The following SYN3 variants were observed in gnomAD, a reference collection of about 807,000 sequenced individuals.
SYN3 encodes synapsin-3.
Under a neutral mutation model 65.8 loss-of-function variants are expected in SYN3, and 35 were observed. That is an observed-to-expected ratio of 0.53 (90% CI 0.41 to 0.70). The LOEUF (loss-of-function observed/expected upper bound fraction) is 0.70. Ranked by LOEUF, SYN3 falls within the 30% of genes least tolerant of loss-of-function variation. The probability of loss-of-function intolerance (pLI) is 0.00; values close to 1 mark genes in which losing one functional copy is unlikely to be tolerated. For synonymous variants in SYN3, 270 were observed against 292.9 expected, an observed-to-expected ratio of 0.92 and a Z score of 0.80; for missense variants, 680 against 749.0, an observed-to-expected ratio of 0.91 and a Z score of 1.08.
Position 32,527,924 on chromosome 22 carries a change from G to A in SYN3, c.1312C>T (p.Pro438Ser), listed in dbSNP as rs762240021. The A allele has an allele frequency of 2.7e-5, 43 of 1,588,848 alleles. No individual in the cohort carries two copies. Among genetic ancestry groups the A allele is most frequent in the Middle Eastern group, 1.7e-4 (1 of 6,054 alleles). ...GGCTCGTCCTGGGTCATACCTTGCG[G>A]AGGTGGGCGTGGCTGGGGCTGGCCT... is the stretch of plus-strand genomic sequence containing the variant. Reference protein sequence around the residue: ...QLGQPQPRPPPQGGPRQAQSP... With the variant: ...QLGQPQPRPPSQGGPRQAQSP... The change falls in exon 12 of 14, where the codon CCG becomes TCG. Residue 438 changes from proline to serine, a missense_variant. Coordinates refer to ENST00000358763, the MANE Select transcript of SYN3 (RefSeq NM_003490.4).
intron 6 of SYN3, among the ~76,000 whole-genome samples, chr22:32,755,486 G>T (rs542382168): frequency 5.3e-5 from 8 of 152,318 alleles, no homozygotes; most frequent in African/African-American, 1.9e-4. Flanking sequence ...GAGAAGTTTT[G>T]CCTGGTTCCA....
Position 32,632,963 on chromosome 22 carries a change from T to C in SYN3, c.712-36227A>G, listed in dbSNP as rs1238985096. Among the ~76,000 whole-genome samples the C allele has an allele frequency of 3.9e-5, 6 of 152,358 alleles. No homozygotes were observed. The South Asian group carries it at 6.2e-4, about 16-fold the overall frequency. On this transcript the variant is annotated intron_variant, in intron 6 of 13. Transcript: ENST00000358763. ...TTTGGCCAGCACTTGAGAATTTATA[T>C]AGTGGTCAAGCGTGTTCATTCCGAA... is the stretch of plus-strand genomic sequence containing the variant.
intron 4 of SYN3, among the ~76,000 whole-genome samples, chr22:32,900,429 G>A (rs2049725720): frequency 6.6e-6 from 1 of 152,086 alleles, no homozygotes; most frequent in African/African-American, 2.4e-5. Flanking sequence ...TAAATGTTAT[G>A]GTCATTTGTT....
At chr22:32,823,446 C>T (rs1300813757) in intron 6 of SYN3, among the ~76,000 whole-genome samples, 1 of 152,130 alleles carries the variant, frequency 6.6e-6, no homozygotes, top group African/African-American at 2.4e-5. Flanking sequence ...AAGGGAGTCT[C>T]CTCTCAGAAA....
intron 6 of SYN3, among the ~76,000 whole-genome samples, chr22:32,647,866 C>T (rs988578721): frequency 6.6e-6 from 1 of 152,048 alleles, no homozygotes. Context: ...CTCGGCCTCC[C>T]AAAGTGCTGG....
intron 6 of SYN3, among the ~76,000 whole-genome samples, chr22:32,777,983 G>A (rs1313813300): frequency 6.6e-6 from 1 of 152,184 alleles, no homozygotes; most frequent in Non-Finnish European, 1.5e-5. Flanking sequence ...GAGGCTTCCA[G>A]TGAGAAACAC....
intron 4 of SYN3, among the ~76,000 whole-genome samples, chr22:32,916,394 G>C (rs928070290): frequency 3.3e-5 from 5 of 152,302 alleles, no homozygotes; most frequent in Admixed American, 3.3e-4. Flanking sequence ...TTATAAATGA[G>C]GATACAGATC....
chr22:33,035,340 C>G lies in SYN3; in HGVS notation c.-163+22952G>C, dbSNP rs561849670. Among the ~76,000 whole-genome samples, 31 of 107,498 alleles carry G rather than the reference C, an allele frequency of 2.9e-4. 1 individual carries two copies. Among genetic ancestry groups the G allele is most frequent in the African/African-American group, 7.2e-4 (21 of 28,970 alleles). The allele number at this position is 107,498 out of a possible 152,430, so 70.5% of individuals were successfully genotyped here. ...ATTAAAAATCTCGGGACCCCCCCCC[C>G]CCCCGCCACCAAACTTCTTATGCAA... On this transcript the variant is annotated intron_variant, in intron 1 of 13. Coordinates refer to ENST00000358763, the MANE Select transcript of SYN3 (RefSeq NM_003490.4).
intron 12 of SYN3, chr22:32,519,454 T>C (rs1297902194): frequency 1.3e-5 from 2 of 152,070 alleles, no homozygotes; most frequent in African/African-American, 4.8e-5. Flanking sequence ...CCTAGAGAGG[T>C]CAGTAGGGAA....
Position 33,006,663 on chromosome 22 carries a change from G to T in SYN3, c.-1C>A. The stretch of plus-strand genomic sequence containing the variant: ...AGAGACGTCGCCGGAGGAAATTCAT[G>T]GCTGTGGATGGATGGAGATGACTGG... On this transcript the variant is annotated 5_prime_UTR_variant, in exon 2 of 14. Transcript: ENST00000358763. The T allele has an allele frequency of 6.4e-7, 1 of 1,567,336 alleles. No individual in the cohort carries two copies. The highest frequency in any genetic ancestry group is 8.7e-7 in the Non-Finnish European group (1 of 1,155,972).
At chr22:32,803,386 G>A (rs977238801) in intron 6 of SYN3, among the ~76,000 whole-genome samples, 8 of 152,000 alleles carry the variant, frequency 5.3e-5, no homozygotes, top group African/African-American at 1.9e-4. Context: ...GAGGGGCACT[G>A]CTGGTGGGCT....
At chr22:32,554,919 G>A (rs906443930) in intron 7 of SYN3, among the ~76,000 whole-genome samples, 8 of 152,194 alleles carry the variant, frequency 5.3e-5, no homozygotes, top group Non-Finnish European at 1.0e-4. Flanking sequence ...ACGAAATGTG[G>A]ATAACTTGAA....
chr22:32,972,456 T>C (rs1458769552), intron 3 of SYN3, among the ~76,000 whole-genome samples: 1 of 152,196 alleles, frequency 6.6e-6, no homozygotes, highest in Non-Finnish European at 1.5e-5. Context: ...CCAGTCACTG[T>C]CTATTGCCAC....
At chr22:32,700,893 T>C (rs570926911) in intron 6 of SYN3, among the ~76,000 whole-genome samples, 39 of 152,378 alleles carry the variant, frequency 2.6e-4, no homozygotes, top group Non-Finnish European at 1.2e-4. Context: ...TCCACTGTTC[T>C]GTTAGAATAA....
At position 32,866,217 on chromosome 22, in the gene SYN3, C is replaced by A. The variant is rs779621501; in HGVS notation, c.622-1213G>T. Among the ~76,000 whole-genome samples, 5 of 152,248 alleles carry A rather than the reference C, an allele frequency of 3.3e-5. No homozygotes were observed. In the South Asian group the frequency reaches 1.0e-3, roughly 32 times the overall value. ...GCCCAGTGGTTAAAGGAGTGGCCAA[C>A]CTGACTTGGAGGTCACTCAATACTA... On this transcript the variant is annotated intron_variant, in intron 5 of 13. Coordinates refer to ENST00000358763, the MANE Select transcript of SYN3 (RefSeq NM_003490.4).
At chr22:32,757,409 T>G (rs765529378) in intron 6 of SYN3, among the ~76,000 whole-genome samples, 1 of 151,400 alleles carries the variant, frequency 6.6e-6, no homozygotes, top group Non-Finnish European at 1.5e-5. Context: ...GCGATTCTCC[T>G]GCCTCAGCAT....
intron 7 of SYN3, among the ~76,000 whole-genome samples, chr22:32,562,990 A>G (rs1273937976): frequency 1.3e-5 from 2 of 152,132 alleles, no homozygotes; most frequent in African/African-American, 4.8e-5. Context: ...CCCTCTCTCA[A>G]CTCTCAGATT....
intron 6 of SYN3, among the ~76,000 whole-genome samples, chr22:32,715,054 A>G (rs1326752567): frequency 6.6e-6 from 1 of 152,234 alleles, no homozygotes; most frequent in Non-Finnish European, 1.5e-5. Flanking sequence ...TTATGATGAA[A>G]TACATTAGGA....
chr22:33,005,540 T>A (rs949953639), intron 2 of SYN3, among the ~76,000 whole-genome samples: 1 of 152,208 alleles, frequency 6.6e-6, no homozygotes, highest in African/African-American at 2.4e-5. Flanking sequence ...CAGTGCTCAG[T>A]AAACTACCTG....
Sources: gnomAD v4.1 joint callset for allele counts (sites outside exome capture counted in the v4.1 genomes callset) on GRCh38, gnomAD v4.1.1 for gene constraint, MANE v1.5 for transcripts, NCBI Gene and HGNC (gene_info 2026-07-23, HGNC 2026-07-21) for gene names.